PRG4: variants seen among roughly 807,000 people sequenced by gnomAD.
PRG4 encodes proteoglycan 4.
A neutral mutation model predicts 91.2 loss-of-function variants in PRG4; 61 were observed. The observed-to-expected ratio is 0.67, with a 90% CI of 0.54 to 0.83. The LOEUF is 0.83. Ranked by LOEUF, PRG4 falls within the 40% of genes least tolerant of loss-of-function variation. PRG4 has a pLI of 0.00. For synonymous variants in PRG4, 576 were observed against 614.2 expected (o/e 0.94, Z 0.92); for missense variants, 1,564 against 1,714.2 (o/e 0.91, Z 1.55).
chr1:186,310,979 T>G, intron 8 of PRG4, 55 bp from the exon 9 acceptor site: 1 of 1,603,166 alleles, frequency 6.2e-7, no homozygotes, highest in South Asian at 1.1e-5. Context: ...TTTGGTTTCT[T>G]TTGTGATAGG....
At position 186,312,349 on chromosome 1, in the gene PRG4, C is replaced by T. The variant is rs1657326247; in HGVS notation, c.3968C>T (p.Ala1323Val). Reference protein sequence around the residue: ...THTIRIQYSPARLAYQDKGVL... With the variant: ...THTIRIQYSPVRLAYQDKGVL... ...ACCATCAGAATTCAATATTCACCTG[C>T]CAGACTGGCTTATCAAGACAAAGGT... The change falls in exon 11 of 13, where the codon GCC (alanine) becomes GTC (valine). Residue 1323 changes from alanine (A) to valine (V), a missense_variant. Transcript: ENST00000445192. 6.2e-7 allele frequency: 1 copy of T among 1,608,410 alleles called. No homozygotes were observed. The highest frequency in any genetic ancestry group is 1.7e-5 in the Admixed American group (1 of 58,800).
In PRG4 at chr1:186,310,136, G is replaced by T. The variant is rs1361403408; in HGVS notation, c.3499+266G>T. On this transcript the variant is annotated intron_variant, in intron 8 of 12. Transcript: ENST00000445192. ...ATTTAAAAAGTAGTTCATTTTTTTT[G>T]GGGGGGGGGGGTAGTTAAAATTTAA... Among the ~76,000 whole-genome samples, 92 of 18,238 alleles carry T rather than the reference G, an allele frequency of 5.0e-3. 1 individual carries two copies. The highest frequency in any genetic ancestry group is 0.017 in the East Asian group (5 of 300). 12.0% of individuals were successfully genotyped at this position (18,238 alleles called of 152,430 possible).
At chr1:186,309,291 CAGAGG>C in intron 7 of PRG4, 151 bp downstream of exon 7, 2 of 825,316 alleles carry the variant, frequency 2.4e-6, no homozygotes, top group Non-Finnish European at 3.9e-6. Context: ...TGTAGGTAAG[CAGAGG>C]TGTAATTACA....
Position 186,308,255 on chromosome 1 carries a change from ACTC to A in PRG4, c.2539_2541del (p.Pro847del). The A allele has an allele frequency of 6.2e-7, 1 of 1,613,628 alleles. No homozygotes were observed. Among genetic ancestry groups the A allele is most frequent in the Non-Finnish European group, 8.5e-7 (1 of 1,179,914 alleles). On this transcript the variant is annotated inframe_deletion, in exon 7 of 13. Coordinates refer to ENST00000445192, the MANE Select transcript of PRG4 (RefSeq NM_005807.6). ...TACCCCCAAGAAGCCTGCTCCAACT[ACTC>A]CTGAGACACCTCCTCCAACCACTTC... is the stretch of plus-strand genomic sequence containing the variant.
intron 7 of PRG4, among the ~76,000 whole-genome samples, chr1:186,309,525 C>A (rs962586348): frequency 3.3e-5 from 5 of 152,126 alleles, no homozygotes; most frequent in African/African-American, 1.2e-4. Context: ...GTTCATACAT[C>A]CAAAAAATGT....
At position 186,308,242 on chromosome 1, in the gene PRG4, G is replaced by T; in HGVS notation, c.2523G>T (p.Lys841Asn). 6.2e-7 allele frequency: 1 copy of T among 1,613,906 alleles called. No individual in the cohort carries two copies. The highest frequency in any genetic ancestry group is 8.5e-7 in the Non-Finnish European group (1 of 1,179,990). The part of the protein sequence containing the change: ...PKEPAPTTPK[K>N]PAPTTPETPP... ...AGCCTGCACCCACTACCCCCAAGAAGCCTGCTCCAACTACTCCTGAGACAC... is the reference window on the plus strand; with the variant it reads ...AGCCTGCACCCACTACCCCCAAGAATCCTGCTCCAACTACTCCTGAGACAC... Residue 841 changes from lysine (K) to asparagine (N), a missense_variant, in exon 7 of 13, where the codon AAG becomes AAT. Transcript: ENST00000445192.
intron 12 of PRG4, 65 bp from the exon 13 acceptor site, chr1:186,313,615 TA>T (rs1230135276): frequency 1.1e-5 from 10 of 922,188 alleles, no homozygotes; most frequent in Non-Finnish European, 1.6e-5. Flanking sequence ...ATAGTCAACA[TA>T]AGTTATTTTT....
At chr1:186,297,852 A>C (rs1655957264) in intron 2 of PRG4, among the ~76,000 whole-genome samples, 1 of 152,234 alleles carries the variant, frequency 6.6e-6, no homozygotes, top group South Asian at 2.1e-4. Context: ...CATAGGCATA[A>C]GTTGCAGAAT....
Position 186,311,431 on chromosome 1 carries a change from A to C in PRG4, c.3637-9A>C. 3 of 1,611,966 alleles carry C rather than the reference A, an allele frequency of 1.9e-6. No homozygotes were observed. The highest frequency in any genetic ancestry group is 2.5e-6 in the Non-Finnish European group (3 of 1,178,254). On this transcript the variant is annotated splice_polypyrimidine_tract_variant and intron_variant, in intron 9 of 12. Coordinates refer to ENST00000445192, the MANE Select transcript of PRG4 (RefSeq NM_005807.6). ...GCTGATAACATAATTTTCTCTTTTAAATTATCAGGATTCTCAGTACTGGCG... is the reference window on the plus strand; with the variant it reads ...GCTGATAACATAATTTTCTCTTTTACATTATCAGGATTCTCAGTACTGGCG...
In PRG4 at chr1:186,306,748, T is replaced by C; in HGVS notation, c.1029T>C (p.Ala343=). The part of the protein sequence containing the change: ...PKAETTTKGP[A]LTTPKEPTPT... ...CTGAAACTACAACCAAAGGCCCTGC[T>C]CTCACCACTCCCAAGGAGCCCACGC... The change falls in exon 7 of 13, where the codon GCT becomes GCC. Residue 343 remains alanine, a synonymous_variant. Transcript: ENST00000445192. The C allele has an allele frequency of 6.2e-7, 1 of 1,613,318 alleles. No homozygotes were observed. Among genetic ancestry groups the C allele is most frequent in the East Asian group, 2.2e-5 (1 of 44,850 alleles).
rs1306463814 is a variant in PRG4, at chr1:186,312,331, G to C, written c.3950G>C (p.Arg1317Thr). ...AIGPSQTHTI[R>T]IQYSPARLAY... ...GGACCTTCTCAAACACACACCATCA[G>C]AATTCAATATTCACCTGCCAGACTG... The change falls in exon 11 of 13, where the codon AGA becomes ACA. Residue 1317 changes from arginine to threonine, a missense_variant. Arg to Thr is a moderately conservative substitution (Grantham distance 71). Transcript: ENST00000445192. 2 of 1,610,022 alleles carry C rather than the reference G, an allele frequency of 1.2e-6. No homozygotes were observed.
In PRG4 at chr1:186,311,446, C is replaced by A. The variant is rs1657225135; in HGVS notation, c.3643C>A (p.Gln1215Lys). ...EGKTFFFKDS[Q>K]YWRFTNDIKD... The stretch of plus-strand genomic sequence containing the variant: ...TTCTCTTTTAAATTATCAGGATTCT[C>A]AGTACTGGCGTTTTACCAATGATAT... Residue 1215 changes from glutamine to lysine, a missense_variant, in exon 10 of 13, where the codon CAG (glutamine) becomes AAG (lysine). Physicochemically the swap from Gln to Lys is moderately conservative, Grantham distance 53. Transcript: ENST00000445192. 6.2e-7 allele frequency: 1 copy of A among 1,612,962 alleles called. No homozygotes were observed. The highest frequency in any genetic ancestry group is 8.5e-7 in the Non-Finnish European group (1 of 1,179,224).
chr1:186,313,030 A>G (rs1657399951), intron 12 of PRG4, 136 bp downstream of exon 12: 1 of 947,146 alleles, frequency 1.1e-6, no homozygotes, highest in Non-Finnish European at 1.6e-6. Context: ...TGCTGTGGAA[A>G]AGAGTTAAGA....
In PRG4 at chr1:186,314,486, A is replaced by C; in HGVS notation, c.*708A>C. Reference sequence around the variant, plus strand: ...TCTACATGAAGTTTACAGATTGGTAAATATCACCTGCTCAACATGTAATTA... The same window carrying C: ...TCTACATGAAGTTTACAGATTGGTACATATCACCTGCTCAACATGTAATTA... On this transcript the variant is annotated 3_prime_UTR_variant, in exon 13 of 13. Coordinates refer to ENST00000445192, the MANE Select transcript of PRG4 (RefSeq NM_005807.6). 3.7e-6 allele frequency: 2 copies of C among 542,246 alleles called. No homozygotes were observed. Among genetic ancestry groups the C allele is most frequent in the Non-Finnish European group, 6.2e-6 (2 of 321,054 alleles). 33.6% of individuals were successfully genotyped at this position (542,246 alleles called of 1,614,324 possible).
rs1657511336 is a variant in PRG4 at position 186,314,329 on chromosome 1, T to TA, written c.*552dup. On this transcript the variant is annotated 3_prime_UTR_variant, in exon 13 of 13. Transcript: ENST00000445192. ...AAATTAACAATATAATGGCAATAGG[T>TA]AGAGATACAACAAATGAATATAACA... 1.5e-5 allele frequency: 6 copies of TA among 392,062 alleles called. No individual in the cohort carries two copies. The highest frequency in any genetic ancestry group is 4.2e-5 in the Admixed American group (1 of 23,826). The allele number at this position is 392,062 out of a possible 1,614,324, so 24.3% of individuals were successfully genotyped here.
At chr1:186,300,070 G>A (rs373403325) in intron 2 of PRG4, 21 bp from the exon 3 acceptor site, 20 of 1,613,508 alleles carry the variant, frequency 1.2e-5, no homozygotes, top group East Asian at 4.5e-5. Context: ...CCATATTTAC[G>A]CCAGTATTGT....
chr1:186,312,501 A>C (rs895241253), intron 11 of PRG4, 129 bp downstream of exon 11: 11 of 986,604 alleles, frequency 1.1e-5, no homozygotes, highest in Non-Finnish European at 1.5e-5. Context: ...ACTGATGAAA[A>C]ACTCATCCAC....
intron 4 of PRG4, among the ~76,000 whole-genome samples, chr1:186,303,818 T>A (rs1656372718): frequency 6.6e-6 from 1 of 152,194 alleles, no homozygotes; most frequent in South Asian, 2.1e-4. Context: ...TCAAGATAAT[T>A]ATTTGCCTAA....
chr1:186,314,127 G>A lies in PRG4; in HGVS notation c.*349G>A. 1 of 1,133,622 alleles carries A rather than the reference G, an allele frequency of 8.8e-7. No homozygotes were observed. Among genetic ancestry groups the A allele is most frequent in the African/African-American group, 1.6e-5 (1 of 64,362 alleles). The allele number at this position is 1,133,622 out of a possible 1,614,324, so 70.2% of individuals were successfully genotyped here. On this transcript the variant is annotated 3_prime_UTR_variant, in exon 13 of 13. Coordinates refer to ENST00000445192, the MANE Select transcript of PRG4 (RefSeq NM_005807.6). ...ATTATAAAAAATATCTAGGCATTGT[G>A]GATATAAAACTGTTGGGTATTCTAC...
Sources: allele counts gnomAD v4.1 joint callset (sites outside exome capture counted in the v4.1 genomes callset), GRCh38; gene constraint gnomAD v4.1.1; transcripts MANE v1.5; gene names NCBI Gene and HGNC (gene_info 2026-07-23, HGNC 2026-07-21).